The following MPPED1 variants were observed in gnomAD, a reference collection of about 807,000 sequenced individuals.
MPPED1 encodes the protein metallophosphoesterase domain containing 1, also known as metallophosphoesterase domain-containing protein 1.
A neutral mutation model predicts 36.2 loss-of-function variants in MPPED1; 16 were observed. That is an observed-to-expected ratio of 0.44 (90% CI 0.30 to 0.67). The LOEUF is 0.67. Among genes scored for constraint, MPPED1 ranks in the 30% least tolerant of loss-of-function variants. MPPED1 has a pLI of 0.10. For synonymous variants in MPPED1, 199 were observed against 191.3 expected (o/e 1.04, Z -0.33); for missense variants, 307 against 453.4 (o/e 0.68, Z 2.93).
intron 3 of MPPED1, among the ~76,000 whole-genome samples, chr22:43,457,957 C>T (rs1349838709): frequency 1.3e-5 from 2 of 152,192 alleles, no homozygotes; most frequent in East Asian, 1.9e-4. Context: ...AAGATTATAA[C>T]ACTGTAATTT....
At chr22:43,420,814 T>G (rs3930882) in intron 1 of MPPED1, among the ~76,000 whole-genome samples, 1 of 152,072 alleles carries the variant, frequency 6.6e-6, no homozygotes, top group Non-Finnish European at 1.5e-5. Context: ...CTTTGTTTAC[T>G]TTATTGTCCC....
chr22:43,472,819 A>G (rs1161019682), intron 3 of MPPED1, among the ~76,000 whole-genome samples: 2 of 152,170 alleles, frequency 1.3e-5, no homozygotes, highest in East Asian at 3.8e-4. Context: ...GGTCTCATCT[A>G]GCTGGGGGTA....
At chr22:43,504,132 T>C (rs1437731777) in intron 6 of MPPED1, among the ~76,000 whole-genome samples, 3 of 145,620 alleles carry the variant, frequency 2.1e-5, no homozygotes, top group Non-Finnish European at 3.0e-5. Flanking sequence ...ATGATGGTGA[T>C]AGTAATAATG....
At chr22:43,464,203 C>G (rs963398182) in intron 3 of MPPED1, among the ~76,000 whole-genome samples, 1 of 151,976 alleles carries the variant, frequency 6.6e-6, no homozygotes. Flanking sequence ...GCCACCGCAC[C>G]TGGCCTTCAC....
intron 1 of MPPED1, among the ~76,000 whole-genome samples, chr22:43,423,304 C>T (rs1387824482): frequency 6.6e-6 from 1 of 152,194 alleles, no homozygotes; most frequent in Non-Finnish European, 1.5e-5. Context: ...TGCCCTGAGC[C>T]CTTTCCCAGG....
intron 4 of MPPED1, among the ~76,000 whole-genome samples, chr22:43,479,728 T>TG (rs1321742929): frequency 3.3e-5 from 5 of 152,306 alleles, no homozygotes; most frequent in Non-Finnish European, 5.9e-5. Context: ...CTGCTAGACT[T>TG]GGAGGCTAGC....
intron 3 of MPPED1, among the ~76,000 whole-genome samples, chr22:43,439,997 G>A (rs903449030): frequency 2.8e-4 from 42 of 152,362 alleles, no homozygotes; most frequent in African/African-American, 9.1e-4. Flanking sequence ...CTCGCCTTGC[G>A]GCGGGGGCGT....
At position 43,425,049 on chromosome 22, in the gene MPPED1, G is replaced by T; in HGVS notation, c.64G>T (p.Gly22Cys). The T allele has an allele frequency of 6.2e-7, 1 of 1,612,762 alleles. No homozygotes were observed. The change falls in exon 2 of 7, where the codon GGC (glycine) becomes TGC (cysteine). Residue 22 changes from glycine (G) to cysteine (C), a missense_variant. This residue lies in a region of MPPED1 where 169 missense variants were observed against 212.3 expected (regional missense o/e 0.80). Transcript: ENST00000443721. ...GGAGGCCCTGGCCCTCCTCCCCTGC[G>T]GCCTGGGCATGGCATTCTCCCAGTC... ...KAEALALLPC[G>C]LGMAFSQSHV...
chr22:43,435,746 A>G (rs1412236449), intron 3 of MPPED1, among the ~76,000 whole-genome samples: 2 of 152,202 alleles, frequency 1.3e-5, no homozygotes, highest in Non-Finnish European at 2.9e-5. Context: ...AATCCCAGCT[A>G]CATCGGAGGC....
chr22:43,463,823 C>T (rs1458460905), intron 3 of MPPED1, among the ~76,000 whole-genome samples: 11,282 of 76,372 alleles, frequency 0.15, 868 homozygotes, highest in East Asian at 0.25. Context: ...TTCTTTCTTT[C>T]TTTCTTTCTT....
chr22:43,490,626 G>T (rs185810349), intron 4 of MPPED1, among the ~76,000 whole-genome samples: 1 of 152,210 alleles, frequency 6.6e-6, no homozygotes, highest in African/African-American at 2.4e-5. Flanking sequence ...ACCAACAGAC[G>T]TGTTCTCTCC....
chr22:43,444,899 A>G (rs1930283159), intron 3 of MPPED1, among the ~76,000 whole-genome samples: 1 of 152,312 alleles, frequency 6.6e-6, no homozygotes, highest in South Asian at 2.1e-4. Context: ...TAAAAATGAC[A>G]AAAATAGTAA....
intron 4 of MPPED1, among the ~76,000 whole-genome samples, chr22:43,496,304 G>A (rs1932352387): frequency 2.1e-5 from 1 of 47,842 alleles, no homozygotes. Context: ...GGTGGTGGAG[G>A]TAGTGGTGGC....
At chr22:43,481,687 G>T (rs1039131127) in intron 4 of MPPED1, among the ~76,000 whole-genome samples, 3 of 151,990 alleles carry the variant, frequency 2.0e-5, no homozygotes, top group African/African-American at 7.3e-5. Flanking sequence ...TTCCTCTTCC[G>T]TGCTGCTCTC....
At chr22:43,458,850 C>T (rs1179884269) in intron 3 of MPPED1, among the ~76,000 whole-genome samples, 1 of 152,186 alleles carries the variant, frequency 6.6e-6, no homozygotes, top group Non-Finnish European at 1.5e-5. Context: ...GTATATCCCA[C>T]TGCCTTCTGG....
intron 3 of MPPED1, among the ~76,000 whole-genome samples, chr22:43,438,210 C>G: frequency 6.6e-6 from 1 of 152,166 alleles, no homozygotes; most frequent in African/African-American, 2.4e-5. Context: ...GTCTGGGACC[C>G]ACCTGGGGAC....
chr22:43,431,021 A>ATTTTTTT (rs135076), intron 2 of MPPED1, among the ~76,000 whole-genome samples: 3 of 42,304 alleles, frequency 7.1e-5, no homozygotes, highest in African/African-American at 2.0e-4. Flanking sequence ...GTTGTTGTTA[A>ATTTTTTT]TTTTTTTTTT....
chr22:43,480,232 C>G (rs1931706556), intron 4 of MPPED1, among the ~76,000 whole-genome samples: 2 of 152,310 alleles, frequency 1.3e-5, no homozygotes, highest in South Asian at 4.1e-4. Context: ...TGGATCAAGC[C>G]TGCCTCCCAG....
At chr22:43,421,778 G>T (rs1929283469) in intron 1 of MPPED1, among the ~76,000 whole-genome samples, 1 of 152,202 alleles carries the variant, frequency 6.6e-6, no homozygotes, top group Non-Finnish European at 1.5e-5. Flanking sequence ...TACTGATGAA[G>T]TATTTGTGAT....
Sources: gnomAD v4.1 joint callset for allele counts (sites outside exome capture counted in the v4.1 genomes callset) on GRCh38, gnomAD v4.1.1 for gene constraint, gnomAD v4.1.1 regional missense constraint, MANE v1.5 for transcripts, NCBI Gene and HGNC (gene_info 2026-07-23, HGNC 2026-07-21) for gene names.